MEGF11: variants seen among roughly 807,000 people sequenced by gnomAD.
The protein encoded by MEGF11 is multiple EGF like domains 11, also known as multiple epidermal growth factor-like domains protein 11.
MEGF11 carries 126 observed loss-of-function variants against 146.6 expected under a neutral mutation model. The observed-to-expected ratio is 0.86, with a 90% CI of 0.74 to 1.00. MEGF11 has a LOEUF of 1.00. Among genes scored for constraint, MEGF11 ranks in the 50% least tolerant of loss-of-function variants. The probability of loss-of-function intolerance (pLI) is 0.00; values close to 1 mark genes in which losing one functional copy is unlikely to be tolerated. For missense variants in MEGF11, 1,509 were observed against 1,521.2 expected (o/e 0.99, Z 0.13); for synonymous variants, 532 against 583.4 (o/e 0.91, Z 1.27).
intron 17 of MEGF11, chr15:65,916,503 G>A: frequency 1.5e-6 from 1 of 669,138 alleles, no homozygotes. Context: ...CACAGGTCAG[G>A]CTAGGGTCTA....
intron 4 of MEGF11, among the ~76,000 whole-genome samples, chr15:66,111,755 C>T (rs12594036): frequency 0.15 from 22,671 of 152,192 alleles, 1,941 homozygotes; most frequent in East Asian, 0.32. Context: ...GGGGAACAGG[C>T]AGTGACTGCT....
At chr15:66,154,718 C>G (rs768833699) in intron 1 of MEGF11, among the ~76,000 whole-genome samples, 2 of 152,196 alleles carry the variant, frequency 1.3e-5, no homozygotes, top group Non-Finnish European at 2.9e-5. Flanking sequence ...GGGTGGTAGT[C>G]AAAATCTTTA....
Position 65,965,035 on chromosome 15 carries a change from T to G in MEGF11, c.985A>C (p.Thr329Pro). The G allele has an allele frequency of 1.9e-6, 3 of 1,586,166 alleles. No homozygotes were observed. Among genetic ancestry groups the G allele is most frequent in the Non-Finnish European group, 2.6e-6 (3 of 1,166,068 alleles). ...GGCTCACACTCGCAGGCACCCGTGG[T>G]GGGTGAACACTGCCCCCCATTGTGG... The part of the protein sequence containing the change: ...DCHNGGQCSP[T>P]TGACECEPGY... The change falls in exon 9 of 26, where the codon ACC (threonine) becomes CCC (proline). Residue 329 changes from threonine to proline, a missense_variant. Physicochemically the swap from Thr to Pro is conservative, Grantham distance 38. Transcript: ENST00000395614.
chr15:65,912,083 T>G lies in MEGF11; in HGVS notation c.2828A>C (p.Lys943Thr). 8.1e-7 allele frequency: 1 copy of G among 1,231,646 alleles called. No individual in the cohort carries two copies. The highest frequency in any genetic ancestry group is 3.2e-5 in the East Asian group (1 of 31,698). 76.3% of individuals were successfully genotyped at this position (1,231,646 alleles called of 1,614,324 possible). Reference protein sequence around the residue: ...ASTLDRNSPTKLSNKSLDRDT... With the variant: ...ASTLDRNSPTTLSNKSLDRDT... Reference sequence around the variant, plus strand: ...GCTGGGGAATCAGGGGCCCGGTACCTTGGTGGGGCTGTTCCTGTCCAGAGT... The same window carrying G: ...GCTGGGGAATCAGGGGCCCGGTACCGTGGTGGGGCTGTTCCTGTCCAGAGT... The change falls in exon 21 of 26, where the codon AAG (lysine) becomes ACG (threonine). Residue 943 changes from lysine to threonine, a missense_variant and splice_region_variant. Coordinates refer to ENST00000395614, the MANE Select transcript of MEGF11 (RefSeq NM_001385028.1).
chr15:66,104,676 C>A (rs1287049686), intron 4 of MEGF11, among the ~76,000 whole-genome samples: 1 of 152,206 alleles, frequency 6.6e-6, no homozygotes, highest in Non-Finnish European at 1.5e-5. Context: ...GCTGATAGGT[C>A]TTCTTACATT....
intron 5 of MEGF11, among the ~76,000 whole-genome samples, chr15:66,040,902 A>G (rs1026344724): frequency 1.5e-5 from 2 of 130,062 alleles, no homozygotes; most frequent in Middle Eastern, 3.7e-3. Context: ...GTATCCACTC[A>G]GAGGAAGGGA....
chr15:65,948,094 TG>T (rs796989009), intron 10 of MEGF11, among the ~76,000 whole-genome samples: 22 of 152,282 alleles, frequency 1.4e-4, no homozygotes, highest in African/African-American at 5.1e-4. Flanking sequence ...CTTAACCCCC[TG>T]GTGACTCCCT....
intron 5 of MEGF11, among the ~76,000 whole-genome samples, chr15:66,013,614 C>T (rs2082781058): frequency 6.6e-6 from 1 of 152,096 alleles, no homozygotes; most frequent in Admixed American, 6.5e-5. Context: ...TGAATTGAGG[C>T]CAAAGATCTG....
intron 1 of MEGF11, among the ~76,000 whole-genome samples, chr15:66,163,718 G>A (rs2090016953): frequency 6.6e-6 from 1 of 152,290 alleles, no homozygotes; most frequent in Non-Finnish European, 1.5e-5. Context: ...TGAGTTATGG[G>A]AAGGCGGGCG....
chr15:66,136,877 A>G (rs557565500), intron 1 of MEGF11, among the ~76,000 whole-genome samples: 2 of 152,064 alleles, frequency 1.3e-5, no homozygotes, highest in South Asian at 2.1e-4. Context: ...ACAATACGGG[A>G]AAAAAAATAG....
chr15:66,086,292 G>T (rs112356159), intron 5 of MEGF11, among the ~76,000 whole-genome samples: 1 of 152,174 alleles, frequency 6.6e-6, no homozygotes, highest in Non-Finnish European at 1.5e-5. Context: ...AGACATCCAA[G>T]TACAAGAAGC....
At chr15:66,027,983 C>T (rs1271193081) in intron 5 of MEGF11, among the ~76,000 whole-genome samples, 1 of 152,210 alleles carries the variant, frequency 6.6e-6, no homozygotes, top group Non-Finnish European at 1.5e-5. Context: ...AAGAGGGAAA[C>T]CCTCTGAAAA....
chr15:66,198,700 G>T (rs2091073141), intron 1 of MEGF11, among the ~76,000 whole-genome samples: 2 of 152,092 alleles, frequency 1.3e-5, no homozygotes, highest in Non-Finnish European at 2.9e-5. Flanking sequence ...TGCCCAGGCT[G>T]GTCTCAAACT....
intron 5 of MEGF11, among the ~76,000 whole-genome samples, chr15:66,007,403 A>G (rs1339185704): frequency 6.6e-6 from 1 of 152,160 alleles, no homozygotes; most frequent in Non-Finnish European, 1.5e-5. Context: ...CTTGTCAGGG[A>G]AAAGTTGAAT....
At chr15:66,081,528 T>G (rs62011838) in intron 5 of MEGF11, among the ~76,000 whole-genome samples, 47,868 of 151,854 alleles carry the variant, frequency 0.32, 7,596 homozygotes, top group East Asian at 0.47. Flanking sequence ...ACAGGCGCCC[T>G]CCACCATGCC....
intron 1 of MEGF11, among the ~76,000 whole-genome samples, chr15:66,165,213 G>C (rs1029935785): frequency 3.9e-5 from 6 of 152,184 alleles, no homozygotes; most frequent in Admixed American, 2.0e-4. Flanking sequence ...TGGCAGGCAC[G>C]GGTTTGAATC....
chr15:66,224,576 T>G (rs2091807607), intron 1 of MEGF11, among the ~76,000 whole-genome samples: 1 of 148,738 alleles, frequency 6.7e-6, no homozygotes, highest in African/African-American at 2.5e-5. Flanking sequence ...AGAGTGAGAC[T>G]CTGTCTCAAA....
chr15:66,064,888 G>A (rs146244631), intron 5 of MEGF11, among the ~76,000 whole-genome samples: 1 of 152,158 alleles, frequency 6.6e-6, no homozygotes, highest in East Asian at 1.9e-4. Context: ...TTATAGACAG[G>A]GTCTAGATTC....
chr15:66,000,423 T>C (rs1274392464), intron 5 of MEGF11, among the ~76,000 whole-genome samples: 3 of 152,150 alleles, frequency 2.0e-5, no homozygotes, highest in Non-Finnish European at 4.4e-5. Context: ...TGCCAGTTAC[T>C]TGGGAGGCCG....
Sources: allele counts gnomAD v4.1 joint callset (sites outside exome capture counted in the v4.1 genomes callset), GRCh38; gene constraint gnomAD v4.1.1; transcripts MANE v1.5; gene names NCBI Gene and HGNC (gene_info 2026-07-23, HGNC 2026-07-21).